The following USP32 variants were observed in gnomAD, a reference collection of about 807,000 sequenced individuals.
The protein encoded by USP32 is ubiquitin carboxyl-terminal hydrolase 32.
Under a neutral mutation model 204.8 loss-of-function variants are expected in USP32, and 59 were observed. The ratio of observed to expected loss-of-function variants is 0.29; its 90% CI spans 0.23 to 0.36. USP32 has a LOEUF of 0.36. USP32 is among the 10% of genes least tolerant of loss of function. The probability of loss-of-function intolerance (pLI) is 1.00; values close to 1 mark genes in which losing one functional copy is unlikely to be tolerated. For synonymous variants in USP32, 517 were observed against 678.4 expected, an observed-to-expected ratio of 0.76 and a Z score of 3.70; for missense variants, 1,160 against 1,946.4, an observed-to-expected ratio of 0.60 and a Z score of 7.60.
intron 11 of USP32, among the ~76,000 whole-genome samples, chr17:60,250,491 T>G (rs762075324): frequency 3.9e-5 from 6 of 152,140 alleles, no homozygotes; most frequent in Non-Finnish European, 7.3e-5. Flanking sequence ...TATAGCCACA[T>G]AAAAGCCTTT....
At chr17:60,347,979 A>G (rs771528616) in intron 1 of USP32, among the ~76,000 whole-genome samples, 1 of 151,876 alleles carries the variant, frequency 6.6e-6, no homozygotes, top group South Asian at 2.1e-4. Context: ...AAAATTAGCC[A>G]GGCCTGGTGG....
chr17:60,290,219 T>TA (rs1350867739), intron 4 of USP32, among the ~76,000 whole-genome samples: 2 of 152,206 alleles, frequency 1.3e-5, no homozygotes, highest in Non-Finnish European at 2.9e-5. Flanking sequence ...GCCAGCTCCC[T>TA]AAAGCTTTAC....
intron 1 of USP32, among the ~76,000 whole-genome samples, chr17:60,419,860 A>T (rs12232522): frequency 1.6e-4 from 20 of 123,772 alleles, no homozygotes; most frequent in East Asian, 9.2e-4. Context: ...TATTATTATT[A>T]TTTTATTATT....
chr17:60,373,404 AT>A (rs1040295544), intron 1 of USP32, among the ~76,000 whole-genome samples: 3 of 150,550 alleles, frequency 2.0e-5, no homozygotes, highest in Non-Finnish European at 1.5e-5. Context: ...AAATTTACTA[AT>A]TTTTTCTTCA....
intron 5 of USP32, among the ~76,000 whole-genome samples, chr17:60,278,549 A>G (rs2086892382): frequency 6.6e-6 from 1 of 152,224 alleles, no homozygotes; most frequent in Non-Finnish European, 1.5e-5. Flanking sequence ...GGTAAGACAG[A>G]TAGTAATAGG....
At chr17:60,251,798 C>CATAA (rs2086176647) in intron 11 of USP32, among the ~76,000 whole-genome samples, 1 of 151,724 alleles carries the variant, frequency 6.6e-6, no homozygotes, top group South Asian at 2.1e-4. Context: ...TATGCTTATA[C>CATAA]TAAAAAAGAA....
At chr17:60,405,575 A>G (rs1229979255) in intron 1 of USP32, among the ~76,000 whole-genome samples, 1 of 152,156 alleles carries the variant, frequency 6.6e-6, no homozygotes, top group Non-Finnish European at 1.5e-5. Flanking sequence ...CAGCATGGGC[A>G]ACATATCAAA....
At position 60,387,918 on chromosome 17, in the gene USP32, G is replaced by A. The variant is rs189489156; in HGVS notation, c.58+3964C>T. 1.6e-4 allele frequency among the ~76,000 whole-genome samples: 24 copies of A among 152,140 alleles called. No homozygotes were observed. The East Asian group carries it at 4.4e-3, about 28-fold the overall frequency. ...AAATATTAATACTTTACTGAAATAT[G>A]ATTTCTACTGAACGCATATAGCTTC... On this transcript the variant is annotated intron_variant, in intron 1 of 33. Coordinates refer to ENST00000300896, the MANE Select transcript of USP32 (RefSeq NM_032582.4).
intron 6 of USP32, 60 bp from the exon 7 acceptor site, chr17:60,269,617 A>G (rs2086679738): frequency 1.4e-6 from 2 of 1,385,008 alleles, no homozygotes; most frequent in Admixed American, 2.4e-5. Context: ...TAATAATGAC[A>G]TGTTTACAAA....
intron 1 of USP32, among the ~76,000 whole-genome samples, chr17:60,363,392 T>G (rs1462951741): frequency 1.4e-5 from 2 of 146,804 alleles, no homozygotes; most frequent in Non-Finnish European, 3.0e-5. Context: ...GAGGTGGAGG[T>G]TGCAGTGAAC....
chr17:60,416,087 G>A (rs1441393961), intron 1 of USP32, among the ~76,000 whole-genome samples: 3 of 152,030 alleles, frequency 2.0e-5, no homozygotes, highest in Non-Finnish European at 4.4e-5. Context: ...ATCTGCCCGC[G>A]TCGGCCTCCC....
In USP32 at chr17:60,345,677, A is replaced by G. The variant is rs570945601; in HGVS notation, c.59-69T>C. ...AAGAGGTGTCTCATAATTTTTTTCA[A>G]CCTGGCTCCTAAGAAAAATTGAGGC... On this transcript the variant is annotated intron_variant, in intron 1 of 33. Coordinates refer to ENST00000300896, the MANE Select transcript of USP32 (RefSeq NM_032582.4). 422 of 1,603,600 alleles carry G rather than the reference A, an allele frequency of 2.6e-4. 1 individual carries two copies. The highest frequency in any genetic ancestry group is 2.2e-3 in the East Asian group (100 of 44,640).
At chr17:60,312,605 T>A (rs977801155) in intron 2 of USP32, among the ~76,000 whole-genome samples, 3 of 151,676 alleles carry the variant, frequency 2.0e-5, no homozygotes, top group Non-Finnish European at 4.4e-5. Context: ...CACACCTTGC[T>A]AATTTTTTCA....
intron 1 of USP32, among the ~76,000 whole-genome samples, chr17:60,406,156 C>CAAAAAA (rs35763642): frequency 4.4e-5 from 2 of 45,240 alleles, no homozygotes; most frequent in Non-Finnish European, 8.7e-5. Flanking sequence ...GACCTTGTCT[C>CAAAAAA]AAAAAAAAAA....
intron 1 of USP32, among the ~76,000 whole-genome samples, chr17:60,367,907 A>G (rs1025683062): frequency 6.6e-6 from 1 of 151,888 alleles, no homozygotes; most frequent in Non-Finnish European, 1.5e-5. Flanking sequence ...ATCATTCCCT[A>G]AACAATACAG....
Position 60,265,439 on chromosome 17 carries a change from G to A in USP32, c.963C>T (p.Gly321=), listed in dbSNP as rs775836734. ...LHMDLSDIVE[G]ILNAHDTTKM... ...TTGTGGTGTCATGTGCATTCAGTAT[G>A]CCTTCTACAATATCAGAGAGATCCA... The change falls in exon 9 of 34, where the codon GGC becomes GGT. Residue 321 remains glycine, a synonymous_variant. Transcript: ENST00000300896. 1 of 1,606,438 alleles carries A rather than the reference G, an allele frequency of 6.2e-7. No individual in the cohort carries two copies. Among genetic ancestry groups the A allele is most frequent in the Non-Finnish European group, 8.5e-7 (1 of 1,174,336 alleles).
Position 60,332,490 on chromosome 17 carries a change from A to T in USP32, c.186+12991T>A, listed in dbSNP as rs185210269. Among the ~76,000 whole-genome samples the T allele has an allele frequency of 7.4e-3, 1,123 of 150,794 alleles. 5 individuals carry two copies. The highest frequency in any genetic ancestry group is 0.013 in the Non-Finnish European group (897 of 67,632). On this transcript the variant is annotated intron_variant, in intron 2 of 33. Transcript: ENST00000300896. ...TAGTGAAACCACGACTCTACTAAAA[A>T]TAAAAAAATTAGCTGGGCGTGGTGG...
chr17:60,207,447 G>C (rs1368919335), intron 24 of USP32, among the ~76,000 whole-genome samples: 1 of 152,008 alleles, frequency 6.6e-6, no homozygotes, highest in Non-Finnish European at 1.5e-5. Flanking sequence ...TTAAGAAACT[G>C]TCAGTGAGGT....
At chr17:60,183,017 A>AAT (rs1421566046) in intron 31 of USP32, 148 bp downstream of exon 31, 1 of 1,170,772 alleles carries the variant, frequency 8.5e-7, no homozygotes, top group African/African-American at 1.6e-5. Context: ...CTCTTGCTAA[A>AAT]ACTTACATAG....
Sources: gnomAD v4.1 joint callset for allele counts (sites outside exome capture counted in the v4.1 genomes callset) on GRCh38, gnomAD v4.1.1 for gene constraint, MANE v1.5 for transcripts, NCBI Gene and HGNC (gene_info 2026-07-23, HGNC 2026-07-21) for gene names.